Variants in HMGCLL1 observed in about 807,000 individuals in gnomAD.
The protein encoded by HMGCLL1 is 3-hydroxymethyl-3-methylglutaryl-CoA lyase, cytoplasmic.
A neutral mutation model predicts 39.1 loss-of-function variants in HMGCLL1; 36 were observed. That is an observed-to-expected ratio of 0.92 (90% CI 0.71 to 1.22). The LOEUF is 1.22. HMGCLL1 is among the 50% of genes most tolerant of loss of function. HMGCLL1 has a pLI of 0.00. For missense variants in HMGCLL1, 451 were observed against 416.5 expected (o/e 1.08, Z -0.72); for synonymous variants, 149 against 144.0 (o/e 1.03, Z -0.25).
chr6:55,640,351 C>G, the HMGCLL1 span, among the ~76,000 whole-genome samples: 1 of 151,962 alleles, frequency 6.6e-6, no homozygotes, highest in Non-Finnish European at 1.5e-5. Context: ...AAACTAAAAG[C>G]TAATGACAAT....
chr6:55,600,678 T>C, the HMGCLL1 span, among the ~76,000 whole-genome samples: 1 of 152,100 alleles, frequency 6.6e-6, no homozygotes, highest in Non-Finnish European at 1.5e-5. Flanking sequence ...AAAATTAACA[T>C]AAAAAACATT....
At chr6:55,477,328 TA>T (rs1404852962) in intron 7 of HMGCLL1, among the ~76,000 whole-genome samples, 1 of 18,060 alleles carries the variant, frequency 5.5e-5, no homozygotes, top group Non-Finnish European at 8.0e-5. Context: ...TATATTATAT[TA>T]TATAATATAT....
the HMGCLL1 span, among the ~76,000 whole-genome samples, chr6:55,607,515 C>T: frequency 6.6e-6 from 1 of 152,130 alleles, no homozygotes; most frequent in South Asian, 2.1e-4. Context: ...ATTGCCTGAG[C>T]TGCAGGCCAC....
At chr6:55,640,543 C>T in the HMGCLL1 span, among the ~76,000 whole-genome samples, 2 of 151,480 alleles carry the variant, frequency 1.3e-5, no homozygotes, top group African/African-American at 4.8e-5. Flanking sequence ...AAATGTAAAA[C>T]CTCACATTCA....
chr6:55,463,158 G>A (rs1764653681), intron 7 of HMGCLL1, among the ~76,000 whole-genome samples: 1 of 151,514 alleles, frequency 6.6e-6, no homozygotes, highest in Admixed American at 6.6e-5. Context: ...AACCTCCCGA[G>A]TAGCTGGACT....
intron 3 of HMGCLL1, among the ~76,000 whole-genome samples, chr6:55,531,415 A>T (rs1768663751): frequency 6.6e-6 from 1 of 152,174 alleles, no homozygotes; most frequent in Non-Finnish European, 1.5e-5. Context: ...CAATGCATGC[A>T]CACAGTTCTA....
chr6:55,486,885 G>A (rs970324273), intron 7 of HMGCLL1, among the ~76,000 whole-genome samples: 2 of 152,026 alleles, frequency 1.3e-5, no homozygotes, highest in East Asian at 3.9e-4. Context: ...ATCTGGTGAG[G>A]GCTGTTTTTA....
chr6:55,630,151 C>A, the HMGCLL1 span, among the ~76,000 whole-genome samples: 1 of 152,126 alleles, frequency 6.6e-6, no homozygotes, highest in African/African-American at 2.4e-5. Flanking sequence ...GAGGAGTATA[C>A]CCTGCAAACC....
At chr6:55,575,897 T>C (rs1366253788) in intron 1 of HMGCLL1, among the ~76,000 whole-genome samples, 2 of 152,230 alleles carry the variant, frequency 1.3e-5, no homozygotes, top group South Asian at 2.1e-4. Context: ...AATCATTTTG[T>C]TGGACCTTGA....
the HMGCLL1 span, among the ~76,000 whole-genome samples, chr6:55,628,879 C>T: frequency 2.0e-5 from 3 of 152,132 alleles, no homozygotes; most frequent in African/African-American, 7.2e-5. Context: ...CTTTGTCTTT[C>T]ACCATGATTG....
At chr6:55,447,849 T>C (rs1385020810) in intron 7 of HMGCLL1, among the ~76,000 whole-genome samples, 1 of 152,154 alleles carries the variant, frequency 6.6e-6, no homozygotes, top group Non-Finnish European at 1.5e-5. Context: ...CAAATCCAGG[T>C]TTAACAACTG....
At chr6:55,540,658 G>C (rs1464947646) in intron 3 of HMGCLL1, among the ~76,000 whole-genome samples, 1 of 152,108 alleles carries the variant, frequency 6.6e-6, no homozygotes. Context: ...AAGTGACTAC[G>C]ACAGTAACTG....
At chr6:55,485,785 A>G (rs1377954501) in intron 7 of HMGCLL1, among the ~76,000 whole-genome samples, 2 of 151,966 alleles carry the variant, frequency 1.3e-5, no homozygotes, top group Admixed American at 6.6e-5. Context: ...ATATTATAAT[A>G]TAATCTACAA....
chr6:55,580,585 T>G (rs1195426829), upstream of HMGCLL1, among the ~76,000 whole-genome samples: 3 of 151,728 alleles, frequency 2.0e-5, no homozygotes, highest in Non-Finnish European at 4.4e-5. Context: ...CAGGCTAATT[T>G]TTTGTATTTT....
intron 3 of HMGCLL1, among the ~76,000 whole-genome samples, chr6:55,534,458 A>C (rs1187847776): frequency 1.3e-5 from 2 of 152,338 alleles, no homozygotes; most frequent in Non-Finnish European, 2.9e-5. Context: ...TAAAAGCCAT[A>C]CCACATTTGC....
the HMGCLL1 span, among the ~76,000 whole-genome samples, chr6:55,598,521 G>A: frequency 6.6e-6 from 1 of 152,134 alleles, no homozygotes; most frequent in Non-Finnish European, 1.5e-5. Context: ...TAACATAGCT[G>A]AAAGCATTGA....
rs768375500 is a variant in HMGCLL1, at chr6:55,439,459, A to G, written c.896T>C (p.Met299Thr). The G allele has an allele frequency of 3.7e-6, 6 of 1,612,682 alleles. No homozygotes were observed. Among genetic ancestry groups the G allele is most frequent in the Admixed American group, 1.7e-5 (1 of 59,872 alleles). ...GNVATEDLIY[M>T]LNGLGLNTGV... is the part of the protein sequence containing the mutation. Reference sequence around the variant, plus strand: ...TGTATTGAGCCCCAGGCCATTAAGCATATATATCAAATCCTCAGTGGCTAC... The same window carrying G: ...TGTATTGAGCCCCAGGCCATTAAGCGTATATATCAAATCCTCAGTGGCTAC... The change falls in exon 8 of 9, where the codon ATG becomes ACG. Residue 299 changes from methionine (M) to threonine (T), a missense_variant. Physicochemically the swap from Met to Thr is moderately conservative, Grantham distance 81 (BLOSUM62 -1). Transcript: ENST00000274901.
chr6:55,552,136 C>T lies in HMGCLL1; in HGVS notation c.109-9996G>A, dbSNP rs933614954. Among the ~76,000 whole-genome samples the T allele has an allele frequency of 3.3e-5, 5 of 151,864 alleles. No homozygotes were observed. The East Asian group carries it at 9.6e-4, about 29-fold the overall frequency. On this transcript the variant is annotated intron_variant, in intron 1 of 8. Transcript: ENST00000274901. ...GCAGGGATCCAAAAACAAACAAACA[C>T]ACACAAAAAAGATAAATGATTGCTG...
chr6:55,516,432 C>T (rs1767739475), intron 4 of HMGCLL1, 76 bp downstream of exon 4: 1 of 926,714 alleles, frequency 1.1e-6, no homozygotes, highest in African/African-American at 1.6e-5. Context: ...TTACATATGA[C>T]ACAATTTTAA....
Sources: gnomAD v4.1 joint callset for allele counts (sites outside exome capture counted in the v4.1 genomes callset) on GRCh38, gnomAD v4.1.1 for gene constraint, MANE v1.5 for transcripts, NCBI Gene and HGNC (gene_info 2026-07-23, HGNC 2026-07-21) for gene names.